Variants in RGL1 observed in about 807,000 individuals in gnomAD.
The protein encoded by RGL1 is ral guanine nucleotide dissociation stimulator-like 1.
Under a neutral mutation model 95.2 loss-of-function variants are expected in RGL1, and 24 were observed. That is an observed-to-expected ratio of 0.25 (90% confidence interval 0.18 to 0.35). The LOEUF (loss-of-function observed/expected upper bound fraction) is 0.35, where lower values mean the gene tolerates loss of function less well. RGL1 is among the 10% of genes least tolerant of loss of function. The pLI is 1.00. For missense variants in RGL1, 715 were observed against 936.3 expected, an observed-to-expected ratio of 0.76 and a Z score of 3.08; for synonymous variants, 329 against 344.9, an observed-to-expected ratio of 0.95 and a Z score of 0.51.
chr1:183,830,506 G>A (rs1435157391), intron 2 of RGL1, among the ~76,000 whole-genome samples: 1 of 152,170 alleles, frequency 6.6e-6, no homozygotes, highest in Non-Finnish European at 1.5e-5. Flanking sequence ...CCCACTTGGA[G>A]TGGTAAAAAG....
In RGL1 at chr1:183,657,653, G is replaced by T. The variant is rs374446686; in HGVS notation, c.-33+21152G>T. Among the ~76,000 whole-genome samples the T allele has an allele frequency of 2.4e-4, 37 of 151,744 alleles. No homozygotes were observed. The East Asian group carries it at 7.1e-3, about 29-fold the overall frequency. On this transcript the variant is annotated intron_variant, in intron 1 of 18. Transcript: ENST00000304685. ...TTTTATGGCTGCATAGTATTCCATGGTGTATATGTGCCACATTTTCTTAAT... is the reference window on the plus strand; with the variant it reads ...TTTTATGGCTGCATAGTATTCCATGTTGTATATGTGCCACATTTTCTTAAT...
intron 2 of RGL1, among the ~76,000 whole-genome samples, chr1:183,827,817 A>G (rs1662977372): frequency 6.6e-6 from 1 of 152,250 alleles, no homozygotes; most frequent in Non-Finnish European, 1.5e-5. Flanking sequence ...TATGGTAGTG[A>G]CTGAGAAAAA....
At chr1:183,710,688 G>A (rs1558166193) in intron 1 of RGL1, among the ~76,000 whole-genome samples, 2 of 152,162 alleles carry the variant, frequency 1.3e-5, no homozygotes, top group Non-Finnish European at 2.9e-5. Context: ...GAGGGAGAGA[G>A]CACACAGGGG....
In RGL1 at chr1:183,705,434, T is replaced by G. The variant is rs184665371; in HGVS notation, c.-32-36692T>G. On this transcript the variant is annotated intron_variant, in intron 1 of 18. Coordinates refer to the RGL1 transcript ENST00000304685. ...GTCTCTTTGAGAGGGTCTACATAGG[T>G]GTAGATCATCAACATACTGAAGGAG... is the stretch of plus-strand genomic sequence containing the variant. 7.2e-5 allele frequency among the ~76,000 whole-genome samples: 11 copies of G among 151,996 alleles called. No homozygotes were observed. The East Asian group carries it at 2.1e-3, about 29-fold the overall frequency.
intron 5 of RGL1, among the ~76,000 whole-genome samples, chr1:183,883,082 A>G (rs1028653510): frequency 6.6e-6 from 1 of 152,138 alleles, no homozygotes; most frequent in Non-Finnish European, 1.5e-5. Context: ...GTCTTTCAAA[A>G]TGGAGACTGG....
At chr1:183,762,059 G>C (rs1431235043) in intron 2 of RGL1, among the ~76,000 whole-genome samples, 1 of 152,194 alleles carries the variant, frequency 6.6e-6, no homozygotes, top group African/African-American at 2.4e-5. Flanking sequence ...TCTTCTGCCA[G>C]ACCACTAAAA....
At chr1:183,822,101 G>T (rs746999836) in intron 2 of RGL1, among the ~76,000 whole-genome samples, 5 of 152,072 alleles carry the variant, frequency 3.3e-5, no homozygotes, top group Non-Finnish European at 7.4e-5. Flanking sequence ...AGAGAAGGGA[G>T]AAAAGGCTCC....
intron 1 of RGL1, among the ~76,000 whole-genome samples, chr1:183,668,675 G>A (rs905445906): frequency 6.6e-6 from 1 of 151,282 alleles, no homozygotes; most frequent in Non-Finnish European, 1.5e-5. Context: ...AGTTTTTTTT[G>A]TTTTCTTTTT....
intron 1 of RGL1, among the ~76,000 whole-genome samples, chr1:183,690,102 CTGAAGGAAGGGCTGA>C (rs1653851762): frequency 6.6e-6 from 1 of 152,204 alleles, no homozygotes; most frequent in Admixed American, 6.5e-5. Flanking sequence ...GCAGTATTGA[CTGAAGGAAGGGCTGA>C]TGAAGTGGCA....
At chr1:183,795,160 T>C (rs1660634434) in intron 2 of RGL1, among the ~76,000 whole-genome samples, 1 of 152,178 alleles carries the variant, frequency 6.6e-6, no homozygotes, top group Non-Finnish European at 1.5e-5. Context: ...TGAGCCACCA[T>C]GTCCAGCCAC....
At chr1:183,708,125 C>CA (rs1286858877) in intron 1 of RGL1, among the ~76,000 whole-genome samples, 1 of 151,824 alleles carries the variant, frequency 6.6e-6, no homozygotes, top group Admixed American at 6.6e-5. Context: ...GATTGAATTG[C>CA]AAAAAAAGAC....
In RGL1 at chr1:183,805,258, C is replaced by A; in HGVS notation, c.-40C>A. On this transcript the variant is annotated 5_prime_UTR_variant, in exon 1 of 18. Coordinates refer to ENST00000360851, the MANE Select transcript of RGL1 (RefSeq NM_001297671.3). ...ACATTGCGTTGGCCTCCGAGCAGGG[C>A]GCATCATGCAGCGTTCGCGCACCGG... 1.2e-6 allele frequency: 2 copies of A among 1,608,566 alleles called. No individual in the cohort carries two copies. The highest frequency in any genetic ancestry group is 1.7e-6 in the Non-Finnish European group (2 of 1,178,046).
At chr1:183,755,930 C>G (rs1442362311) in intron 2 of RGL1, among the ~76,000 whole-genome samples, 2 of 150,266 alleles carry the variant, frequency 1.3e-5, no homozygotes, top group Non-Finnish European at 2.9e-5. Flanking sequence ...GTTGCCCAGG[C>G]TGGAGTGCAA....
chr1:183,718,490 T>C (rs2102196957), intron 1 of RGL1, among the ~76,000 whole-genome samples: 1 of 152,282 alleles, frequency 6.6e-6, no homozygotes, highest in South Asian at 2.1e-4. Flanking sequence ...TATTAAAATG[T>C]TTTTGGGGAT....
chr1:183,840,861 C>T lies in RGL1; in HGVS notation c.139-6705C>T, dbSNP rs570544021. ...GAACCCTGATTGCACCACTGTACTG[C>T]GGCCTGGGCAATAGAGATGGACTGC... On this transcript the variant is annotated intron_variant, in intron 2 of 17. Coordinates refer to ENST00000360851, the MANE Select transcript of RGL1 (RefSeq NM_001297671.3). 1.6e-4 allele frequency among the ~76,000 whole-genome samples: 25 copies of T among 152,210 alleles called. 1 individual carries two copies. The highest frequency in any genetic ancestry group is 4.8e-4 in the African/African-American group (20 of 41,520).
intron 2 of RGL1, among the ~76,000 whole-genome samples, chr1:183,767,484 C>T (rs1223048207): frequency 2.0e-5 from 3 of 152,134 alleles, no homozygotes; most frequent in Admixed American, 6.5e-5. Flanking sequence ...AGTCCACCAA[C>T]GCCCCTATAC....
chr1:183,813,683 A>G (rs554794351), intron 2 of RGL1, among the ~76,000 whole-genome samples: 6 of 152,314 alleles, frequency 3.9e-5, no homozygotes, highest in South Asian at 4.1e-4. Context: ...AAGAAATTTT[A>G]TGGTTAGGTG....
chr1:183,736,912 A>C (rs1193444601), intron 1 of RGL1, among the ~76,000 whole-genome samples: 1 of 148,422 alleles, frequency 6.7e-6, no homozygotes, highest in African/African-American at 2.5e-5. Flanking sequence ...CATTTCAATA[A>C]GTTTCTGAAT....
intron 3 of RGL1, among the ~76,000 whole-genome samples, chr1:183,864,229 A>C (rs1027787590): frequency 6.6e-6 from 1 of 152,178 alleles, no homozygotes; most frequent in Non-Finnish European, 1.5e-5. Context: ...TTTTATATCT[A>C]CCTTTCATAG....
Sources: allele counts gnomAD v4.1 joint callset (sites outside exome capture counted in the v4.1 genomes callset), GRCh38; gene constraint gnomAD v4.1.1; transcripts MANE v1.5; gene names NCBI Gene and HGNC (gene_info 2026-07-23, HGNC 2026-07-21).